TIAM1: variants seen among roughly 807,000 people sequenced by gnomAD.
TIAM1 encodes the protein rho guanine nucleotide exchange factor TIAM1.
Under a neutral mutation model 163.5 loss-of-function variants are expected in TIAM1, and 65 were observed. That is an observed-to-expected ratio of 0.40 (90% confidence interval 0.33 to 0.49). TIAM1 has a LOEUF of 0.49. Among genes scored for constraint, TIAM1 ranks in the 20% least tolerant of loss-of-function variants. The pLI is 0.77. For missense variants in TIAM1, 1,789 were observed against 2,044.7 expected, an observed-to-expected ratio of 0.87 and a Z score of 2.41; for synonymous variants, 833 against 810.1, an observed-to-expected ratio of 1.03 and a Z score of -0.48.
intron 2 of TIAM1, among the ~76,000 whole-genome samples, chr21:31,439,651 A>T (rs1416102081): frequency 6.6e-6 from 1 of 151,950 alleles, no homozygotes; most frequent in Admixed American, 6.6e-5. Context: ...CCCAGAAGAA[A>T]CTACAGTTGA....
At chr21:31,287,315 T>C (rs564048917) in intron 2 of TIAM1, among the ~76,000 whole-genome samples, 25 of 152,354 alleles carry the variant, frequency 1.6e-4, no homozygotes, top group African/African-American at 5.8e-4. Flanking sequence ...AGAATTTTAC[T>C]GATGATCACA....
At chr21:31,469,620 A>T (rs1051705944) in intron 1 of TIAM1, among the ~76,000 whole-genome samples, 1 of 152,068 alleles carries the variant, frequency 6.6e-6, no homozygotes, top group Non-Finnish European at 1.5e-5. Flanking sequence ...CGAGGTCAGG[A>T]GATGGAGACC....
intron 4 of TIAM1, among the ~76,000 whole-genome samples, chr21:31,257,066 T>C (rs1170119605): frequency 2.0e-5 from 3 of 152,172 alleles, no homozygotes; most frequent in Admixed American, 6.6e-5. Flanking sequence ...GGCTTGTTAA[T>C]TGTTCTCACG....
intron 2 of TIAM1, among the ~76,000 whole-genome samples, chr21:31,398,482 G>C (rs1021769928): frequency 6.6e-6 from 1 of 152,178 alleles, no homozygotes; most frequent in African/African-American, 2.4e-5. Flanking sequence ...ATAGCCATGG[G>C]AAGTAGCCCA....
At chr21:31,231,461 C>T (rs1190901092) in intron 6 of TIAM1, among the ~76,000 whole-genome samples, 1 of 152,144 alleles carries the variant, frequency 6.6e-6, no homozygotes, top group Non-Finnish European at 1.5e-5. Context: ...CTTCTTTCCC[C>T]TGTGAGGACC....
At chr21:31,323,773 G>A (rs139311274) in intron 2 of TIAM1, among the ~76,000 whole-genome samples, 2,875 of 152,282 alleles carry the variant, frequency 0.019, 40 homozygotes, top group Non-Finnish European at 0.026. Flanking sequence ...AGAGGTTGCA[G>A]TGAGCCGGGA....
At chr21:31,421,015 C>T (rs921351409) in intron 2 of TIAM1, among the ~76,000 whole-genome samples, 1 of 151,310 alleles carries the variant, frequency 6.6e-6, no homozygotes, top group African/African-American at 2.4e-5. Flanking sequence ...CCAGCTACTT[C>T]GGAGGCTGAG....
intron 4 of TIAM1, among the ~76,000 whole-genome samples, chr21:31,255,880 T>A (rs889737624): frequency 7.2e-5 from 11 of 152,178 alleles, no homozygotes; most frequent in Admixed American, 7.2e-4. Context: ...GAGAGGCTCT[T>A]CAATCCTGTT....
intron 1 of TIAM1, among the ~76,000 whole-genome samples, chr21:31,467,054 A>G (rs1026865984): frequency 6.6e-6 from 1 of 152,218 alleles, no homozygotes; most frequent in African/African-American, 2.4e-5. Context: ...CACTAACAGA[A>G]TTACTAAACT....
intron 11 of TIAM1, among the ~76,000 whole-genome samples, chr21:31,205,070 TA>T (rs1280844980): frequency 6.6e-6 from 1 of 152,166 alleles, no homozygotes; most frequent in South Asian, 2.1e-4. Context: ...CCAGGGAACA[TA>T]AAACAGGAAC....
chr21:31,327,555 G>A (rs533229469), intron 2 of TIAM1, among the ~76,000 whole-genome samples: 22 of 144,750 alleles, frequency 1.5e-4, no homozygotes, highest in African/African-American at 5.7e-4. Context: ...CATGAGAATC[G>A]CTTGAACCCA....
intron 4 of TIAM1, among the ~76,000 whole-genome samples, chr21:31,257,136 A>C (rs2072158908): frequency 6.6e-6 from 1 of 152,228 alleles, no homozygotes; most frequent in Non-Finnish European, 1.5e-5. Context: ...ATAAATTAGT[A>C]ACTACTGGTC....
At chr21:31,125,074 C>T (rs2082142302) in intron 26 of TIAM1, among the ~76,000 whole-genome samples, 1 of 152,068 alleles carries the variant, frequency 6.6e-6, no homozygotes, top group African/African-American at 2.4e-5. Flanking sequence ...TGCAGAGCAC[C>T]CAAAGGCCGA....
At chr21:31,450,080 G>A (rs143324936) in intron 2 of TIAM1, among the ~76,000 whole-genome samples, 12 of 152,194 alleles carry the variant, frequency 7.9e-5, no homozygotes, top group Non-Finnish European at 1.5e-5. Flanking sequence ...TCGTGCAGCT[G>A]CAGCAAACAG....
chr21:31,379,714 GAC>G (rs2147171677), intron 2 of TIAM1, among the ~76,000 whole-genome samples: 1 of 152,228 alleles, frequency 6.6e-6, no homozygotes, highest in East Asian at 1.9e-4. Context: ...GAAGTACTGA[GAC>G]ACAATACAAC....
intron 2 of TIAM1, among the ~76,000 whole-genome samples, chr21:31,362,164 T>TAA (rs199899704): frequency 6.8e-6 from 1 of 146,042 alleles, no homozygotes; most frequent in African/African-American, 2.5e-5. Flanking sequence ...CTATCCCTTT[T>TAA]AAAAAAAAAA....
intron 16 of TIAM1, among the ~76,000 whole-genome samples, chr21:31,162,676 CTG>C: frequency 6.7e-6 from 1 of 149,304 alleles, no homozygotes. Flanking sequence ...GAGTCCCACA[CTG>C]TCTCCCAGGC....
intron 19 of TIAM1, 130 bp from the exon 20 acceptor site, chr21:31,147,133 C>A (rs975568600): frequency 2.8e-6 from 2 of 706,956 alleles, no homozygotes; most frequent in Non-Finnish European, 5.0e-6. Context: ...CTGTCAGAGC[C>A]TTTCTTTGCT....
At chr21:31,152,514 T>C (rs2083425724) in intron 19 of TIAM1, 122 bp downstream of exon 19, 7 of 1,359,722 alleles carry the variant, frequency 5.1e-6, no homozygotes, top group South Asian at 1.5e-5. Context: ...TTCCCCTCCC[T>C]CTCAGACACC....
Sources: gnomAD v4.1 joint callset for allele counts (sites outside exome capture counted in the v4.1 genomes callset) on GRCh38, gnomAD v4.1.1 for gene constraint, MANE v1.5 for transcripts, NCBI Gene and HGNC (gene_info 2026-07-23, HGNC 2026-07-21) for gene names.